The following SV2C variants were observed in gnomAD, a reference collection of about 807,000 sequenced individuals.
SV2C encodes synaptic vesicle glycoprotein 2C.
Under a neutral mutation model 79.7 loss-of-function variants are expected in SV2C, and 49 were observed. That is an observed-to-expected ratio of 0.61 (90% CI 0.49 to 0.78). The LOEUF (loss-of-function observed/expected upper bound fraction) is 0.78, where lower values mean the gene tolerates loss of function less well. SV2C is among the 30% of genes least tolerant of loss of function. The pLI, the probability that SV2C is intolerant of heterozygous loss-of-function variation, is 0.00. For synonymous variants in SV2C, 334 were observed against 333.2 expected (o/e 1.00, Z -0.03); for missense variants, 833 against 912.9 (o/e 0.91, Z 1.13).
chr5:76,253,902 T>G (rs1469234351), intron 4 of SV2C, among the ~76,000 whole-genome samples: 1 of 152,056 alleles, frequency 6.6e-6, no homozygotes, highest in African/African-American at 2.4e-5. Flanking sequence ...CTATCATAAG[T>G]TTTTAAAGAT....
At chr5:76,345,721 T>C (rs918741088) in intron 12 of SV2C, among the ~76,000 whole-genome samples, 15 of 152,334 alleles carry the variant, frequency 9.8e-5, no homozygotes, top group African/African-American at 2.6e-4. Flanking sequence ...TCTAGTGCTT[T>C]ACAAAACATT....
At position 76,132,090 on chromosome 5, in the gene SV2C, G is replaced by A; in HGVS notation, c.340G>A (p.Gly114Ser). 6.2e-7 allele frequency: 1 copy of A among 1,613,512 alleles called. No individual in the cohort carries two copies. The highest frequency in any genetic ancestry group is 1.1e-5 in the South Asian group (1 of 91,012). ...CATCGTGTCAGTGGGGCAGCCCAAG[G>A]GCGATGAGTACAAGGACCGGCGGGA... The part of the protein sequence containing the change: ...DSIVSVGQPK[G>S]DEYKDRRELE... The change falls in exon 2 of 13, where the codon GGC becomes AGC. Residue 114 changes from glycine (G) to serine (S), a missense_variant. By Grantham distance (56) the Gly-to-Ser change is moderately conservative. Transcript: ENST00000502798.
At chr5:75,882,106 A>G in the SV2C span, among the ~76,000 whole-genome samples, 1 of 149,916 alleles carries the variant, frequency 6.7e-6, no homozygotes, top group Non-Finnish European at 1.5e-5. Context: ...ACATTTATTG[A>G]TTTGCATATA....
intron 4 of SV2C, among the ~76,000 whole-genome samples, chr5:76,227,975 G>T (rs1722574151): frequency 6.6e-6 from 1 of 152,162 alleles, no homozygotes; most frequent in Admixed American, 6.5e-5. Flanking sequence ...ACCACCCGAG[G>T]TTTTATCATT....
chr5:75,880,930 A>T, the SV2C span, among the ~76,000 whole-genome samples: 1 of 152,188 alleles, frequency 6.6e-6, no homozygotes, highest in African/African-American at 2.4e-5. Context: ...GCACAGCTCC[A>T]GCATCTGCTT....
At chr5:76,204,160 A>C (rs894016436) in intron 3 of SV2C, among the ~76,000 whole-genome samples, 11 of 152,212 alleles carry the variant, frequency 7.2e-5, no homozygotes, top group Admixed American at 5.9e-4. Flanking sequence ...CTGCTGCTCT[A>C]ATCCCTTATT....
At chr5:76,154,140 A>G (rs943636864) in intron 2 of SV2C, among the ~76,000 whole-genome samples, 2 of 152,158 alleles carry the variant, frequency 1.3e-5, no homozygotes, top group Admixed American at 6.5e-5. Context: ...GTACTAATCA[A>G]TACATCTCCC....
At chr5:76,199,318 G>A (rs1415762713) in intron 3 of SV2C, among the ~76,000 whole-genome samples, 1 of 152,102 alleles carries the variant, frequency 6.6e-6, no homozygotes, top group South Asian at 2.1e-4. Flanking sequence ...AAAATGTTGG[G>A]AATGTTTCTT....
chr5:76,328,177 A>G lies in SV2C; in HGVS notation c.*2630A>G, dbSNP rs1749065862. 1 of 152,228 alleles carries G rather than the reference A, an allele frequency of 6.6e-6. No homozygotes were observed. Among genetic ancestry groups the G allele is most frequent in the Admixed American group, 6.5e-5 (1 of 15,278 alleles). 9.4% of individuals were successfully genotyped at this position (152,228 alleles called of 1,614,324 possible). A position where few individuals can be genotyped will look rare whatever the true frequency, so the allele number is the denominator to read the frequency against. Reference sequence around the variant, plus strand: ...CTGGAGATTAAGAAACAGCCAGGATATTAAACAGAAACTCTCAGTTGTATC... The same window carrying G: ...CTGGAGATTAAGAAACAGCCAGGATGTTAAACAGAAACTCTCAGTTGTATC... On this transcript the variant is annotated 3_prime_UTR_variant, in exon 13 of 13. Coordinates refer to ENST00000502798, the MANE Select transcript of SV2C (RefSeq NM_014979.4).
chr5:76,122,895 CA>C (rs774199945), intron 1 of SV2C, among the ~76,000 whole-genome samples: 5 of 150,966 alleles, frequency 3.3e-5, no homozygotes, highest in Admixed American at 2.0e-4. Context: ...GAAGGAAATA[CA>C]AAAAAAACCC....
At chr5:75,877,725 G>A in the SV2C span, among the ~76,000 whole-genome samples, 4 of 151,948 alleles carry the variant, frequency 2.6e-5, no homozygotes, top group Non-Finnish European at 4.4e-5. Flanking sequence ...TCGGTCTGGG[G>A]CAGAATGATA....
intron 2 of SV2C, among the ~76,000 whole-genome samples, chr5:76,141,777 T>A (rs1302024330): frequency 5.6e-5 from 7 of 124,010 alleles, no homozygotes; most frequent in African/African-American, 2.3e-4. Flanking sequence ...TGAGCCAAGA[T>A]CACGCCACTG....
the SV2C span, among the ~76,000 whole-genome samples, chr5:75,856,132 T>TCAG: frequency 2.0e-5 from 3 of 152,306 alleles, no homozygotes; most frequent in South Asian, 6.2e-4. Flanking sequence ...CTCATTCTTT[T>TCAG]TGGGGCTGAA....
intron 12 of SV2C, among the ~76,000 whole-genome samples, chr5:76,315,889 T>C (rs1031800940): frequency 6.6e-6 from 1 of 152,162 alleles, no homozygotes; most frequent in Non-Finnish European, 1.5e-5. Context: ...ATCCCCTGCA[T>C]CACATCATAA....
the SV2C span, among the ~76,000 whole-genome samples, chr5:75,945,519 A>G: frequency 6.6e-6 from 1 of 151,796 alleles, no homozygotes; most frequent in African/African-American, 2.4e-5. Flanking sequence ...GGGTTTCACC[A>G]TGTTGCTCAG....
At chr5:75,897,525 G>C in the SV2C span, among the ~76,000 whole-genome samples, 1 of 152,254 alleles carries the variant, frequency 6.6e-6, no homozygotes, top group African/African-American at 2.4e-5. Context: ...TTGTTCTTTT[G>C]GCTTAGGATT....
chr5:76,037,736 G>A, the SV2C span, among the ~76,000 whole-genome samples: 1 of 152,232 alleles, frequency 6.6e-6, no homozygotes, highest in African/African-American at 2.4e-5. Context: ...GGAGCCTACA[G>A]AGGCAGGCAG....
intron 3 of SV2C, among the ~76,000 whole-genome samples, chr5:76,196,071 A>C (rs1443112393): frequency 6.6e-6 from 1 of 152,210 alleles, no homozygotes; most frequent in Non-Finnish European, 1.5e-5. Context: ...TAAACTTTAA[A>C]AGCTATCAGT....
the SV2C span, among the ~76,000 whole-genome samples, chr5:75,997,949 C>G: frequency 6.6e-6 from 1 of 150,868 alleles, no homozygotes; most frequent in Non-Finnish European, 1.5e-5. Context: ...CCCAAATGTC[C>G]AACAATGATA....
Sources: gnomAD v4.1 joint callset for allele counts (sites outside exome capture counted in the v4.1 genomes callset) on GRCh38, gnomAD v4.1.1 for gene constraint, MANE v1.5 for transcripts, NCBI Gene and HGNC (gene_info 2026-07-23, HGNC 2026-07-21) for gene names.